GALNT13: variants seen among roughly 807,000 people sequenced by gnomAD.
GALNT13 encodes the protein polypeptide N-acetylgalactosaminyltransferase 13.
A neutral mutation model predicts 64.2 loss-of-function variants in GALNT13; 28 were observed. The observed-to-expected ratio is 0.44, with a 90% CI of 0.32 to 0.60. GALNT13 has a LOEUF of 0.60. GALNT13 is among the 20% of genes least tolerant of loss of function. The probability of loss-of-function intolerance (pLI) is 0.05; values close to 1 mark genes in which losing one functional copy is unlikely to be tolerated. For missense variants in GALNT13, 577 were observed against 669.8 expected (o/e 0.86, Z 1.53); for synonymous variants, 214 against 224.6 (o/e 0.95, Z 0.42).
the GALNT13 span, among the ~76,000 whole-genome samples, chr2:153,256,457 T>G: frequency 3.3e-5 from 5 of 152,232 alleles, no homozygotes; most frequent in African/African-American, 1.2e-4. Flanking sequence ...GAAGCCTTCT[T>G]CTCTCAGCTC....
At chr2:154,279,939 C>CA (rs570657811) in intron 8 of GALNT13, among the ~76,000 whole-genome samples, 90 of 145,546 alleles carry the variant, frequency 6.2e-4, no homozygotes, top group South Asian at 8.7e-4. Flanking sequence ...CTCTATATAG[C>CA]AAAAAAAAAA....
At chr2:153,092,368 T>A in the GALNT13 span, among the ~76,000 whole-genome samples, 1 of 152,196 alleles carries the variant, frequency 6.6e-6, no homozygotes, top group Non-Finnish European at 1.5e-5. Context: ...TTTTTCTATT[T>A]CTGTGAAGAA....
At chr2:154,094,266 T>A (rs1255811489) in intron 3 of GALNT13, among the ~76,000 whole-genome samples, 1 of 151,846 alleles carries the variant, frequency 6.6e-6, no homozygotes, top group Non-Finnish European at 1.5e-5. Context: ...AGTAAAGCAA[T>A]AGGTGCAGAT....
chr2:154,079,665 A>G (rs1169164738), intron 3 of GALNT13, among the ~76,000 whole-genome samples: 4 of 151,384 alleles, frequency 2.6e-5, no homozygotes, highest in African/African-American at 7.3e-5. Context: ...TGCCCTCCTT[A>G]TGCTCCAGAG....
the GALNT13 span, among the ~76,000 whole-genome samples, chr2:153,249,613 C>G: frequency 6.6e-6 from 1 of 152,124 alleles, no homozygotes; most frequent in African/African-American, 2.4e-5. Flanking sequence ...ATCATACTAC[C>G]TGACTTCAAA....
chr2:154,301,265 A>G, intron 8 of GALNT13, 144 bp from the exon 9 acceptor site: 1 of 630,912 alleles, frequency 1.6e-6, no homozygotes, highest in Non-Finnish European at 2.7e-6. Context: ...TCCTTTGCCA[A>G]AAGTAAGTAT....
At chr2:153,213,567 A>C in the GALNT13 span, among the ~76,000 whole-genome samples, 1 of 152,176 alleles carries the variant, frequency 6.6e-6, no homozygotes, top group Non-Finnish European at 1.5e-5. Flanking sequence ...AAGGGATAAG[A>C]AAAGGGGAAA....
intron 9 of GALNT13, among the ~76,000 whole-genome samples, chr2:154,362,037 C>T (rs915922372): frequency 6.6e-6 from 1 of 152,016 alleles, no homozygotes; most frequent in Admixed American, 6.6e-5. Flanking sequence ...ATGGAATCAG[C>T]TCTAACTAAG....
At chr2:153,382,059 ACTGAACATCTT>A in the GALNT13 span, among the ~76,000 whole-genome samples, 1 of 152,118 alleles carries the variant, frequency 6.6e-6, no homozygotes, top group East Asian at 1.9e-4. Flanking sequence ...GATAACCAAG[ACTGAACATCTT>A]CTGAACATCT....
chr2:153,658,386 G>A, the GALNT13 span, among the ~76,000 whole-genome samples: 1 of 152,092 alleles, frequency 6.6e-6, no homozygotes, highest in African/African-American at 2.4e-5. Context: ...GCACTCATTA[G>A]TAAGTATATC....
At chr2:153,673,993 A>G in the GALNT13 span, among the ~76,000 whole-genome samples, 16 of 152,222 alleles carry the variant, frequency 1.1e-4, 2 homozygotes, top group Admixed American at 9.8e-4. Flanking sequence ...CCAACTTACA[A>G]GGGATGTGAA....
chr2:153,521,993 C>A, the GALNT13 span, among the ~76,000 whole-genome samples: 1 of 152,074 alleles, frequency 6.6e-6, no homozygotes, highest in Non-Finnish European at 1.5e-5. Context: ...GAACTAAACT[C>A]CTATAAACAT....
At chr2:153,238,902 G>T in the GALNT13 span, among the ~76,000 whole-genome samples, 1 of 151,966 alleles carries the variant, frequency 6.6e-6, no homozygotes, top group African/African-American at 2.4e-5. Flanking sequence ...TTTTGACAGG[G>T]ATTGTGTTGA....
chr2:153,867,464 A>G (rs1343707971), upstream of GALNT13, among the ~76,000 whole-genome samples: 1 of 152,102 alleles, frequency 6.6e-6, no homozygotes, highest in African/African-American at 2.4e-5. Context: ...ACGTAAATAC[A>G]CACCTACTTA....
At chr2:153,908,021 A>G (rs911220953) in intron 2 of GALNT13, among the ~76,000 whole-genome samples, 1 of 152,096 alleles carries the variant, frequency 6.6e-6, no homozygotes, top group Non-Finnish European at 1.5e-5. Context: ...TTACACTCCC[A>G]CCAGCAAGCA....
At chr2:153,495,206 A>G in the GALNT13 span, among the ~76,000 whole-genome samples, 1 of 152,156 alleles carries the variant, frequency 6.6e-6, no homozygotes, top group South Asian at 2.1e-4. Context: ...GGACTACACA[A>G]TGGTACAATC....
At chr2:154,072,406 A>C (rs1700779225) in intron 3 of GALNT13, among the ~76,000 whole-genome samples, 1 of 152,106 alleles carries the variant, frequency 6.6e-6, no homozygotes, top group Admixed American at 6.6e-5. Context: ...TTTATGATGG[A>C]ACACATTTAT....
the GALNT13 span, among the ~76,000 whole-genome samples, chr2:153,342,505 T>G: frequency 1.3e-5 from 2 of 152,236 alleles, no homozygotes; most frequent in African/African-American, 4.8e-5. Context: ...GCTATTAAAA[T>G]AGGTCTTCTT....
the GALNT13 span, among the ~76,000 whole-genome samples, chr2:153,534,106 A>G: frequency 6.6e-6 from 1 of 151,816 alleles, no homozygotes; most frequent in East Asian, 1.9e-4. Context: ...ATCCTTTAGA[A>G]CCCTTAGCAT....
Sources: allele counts gnomAD v4.1 joint callset (sites outside exome capture counted in the v4.1 genomes callset), GRCh38; gene constraint gnomAD v4.1.1; transcripts MANE v1.5; gene names NCBI Gene and HGNC (gene_info 2026-07-23, HGNC 2026-07-21).